The following TRMT11 variants were observed in gnomAD, a reference collection of about 807,000 sequenced individuals.
TRMT11 encodes tRNA methyltransferase 11, also known as tRNA (guanine(10)-N(2))-methyltransferase TRMT11.
TRMT11 carries 53 observed loss-of-function variants against 62.8 expected under a neutral mutation model. That is an observed-to-expected ratio of 0.84 (90% CI 0.68 to 1.06). The LOEUF is 1.06. Among genes scored for constraint, TRMT11 ranks in the 50% least tolerant of loss-of-function variants. The pLI, the probability that TRMT11 is intolerant of heterozygous loss-of-function variation, is 0.00. For missense variants in TRMT11, 556 were observed against 553.4 expected, an observed-to-expected ratio of 1.00 and a Z score of -0.05; for synonymous variants, 188 against 190.3, an observed-to-expected ratio of 0.99 and a Z score of 0.10.
chr6:126,229,143 A>G, the TRMT11 span, among the ~76,000 whole-genome samples: 1 of 152,236 alleles, frequency 6.6e-6, no homozygotes, highest in South Asian at 2.1e-4. Context: ...CTAGAAAACT[A>G]ATAAAAAATG....
At chr6:126,239,324 A>G in the TRMT11 span, among the ~76,000 whole-genome samples, 2 of 152,108 alleles carry the variant, frequency 1.3e-5, no homozygotes, top group Non-Finnish European at 2.9e-5. Context: ...ACAATTTGTC[A>G]TGTTTTTGCA....
At chr6:126,098,544 AC>A (rs1449451850) in intron 17 of TRMT11, among the ~76,000 whole-genome samples, 1 of 152,208 alleles carries the variant, frequency 6.6e-6, no homozygotes, top group Non-Finnish European at 1.5e-5. Context: ...CAGTGACTGT[AC>A]AACCTGTTTG....
the TRMT11 span, among the ~76,000 whole-genome samples, chr6:126,210,129 G>T: frequency 1.3e-5 from 2 of 152,178 alleles, no homozygotes; most frequent in African/African-American, 2.4e-5. Context: ...CTAGTAAGAT[G>T]ATTTTTTGTT....
At chr6:126,160,308 A>T (rs928248805) in intron 21 of TRMT11, among the ~76,000 whole-genome samples, 1 of 152,178 alleles carries the variant, frequency 6.6e-6, no homozygotes, top group East Asian at 1.9e-4. Flanking sequence ...ACCATGCTGT[A>T]CTTCACTGAT....
At chr6:126,237,338 G>A in the TRMT11 span, among the ~76,000 whole-genome samples, 4 of 152,030 alleles carry the variant, frequency 2.6e-5, no homozygotes, top group Non-Finnish European at 4.4e-5. Context: ...CTCCTCTGCT[G>A]GAAAATCTTT....
At chr6:126,096,714 T>C (rs1437031291) in intron 17 of TRMT11, among the ~76,000 whole-genome samples, 2 of 152,202 alleles carry the variant, frequency 1.3e-5, no homozygotes, top group African/African-American at 2.4e-5. Flanking sequence ...CCTGTACCTG[T>C]AGTAGAAACT....
chr6:126,204,786 C>A (rs1311827494), downstream of TRMT11, among the ~76,000 whole-genome samples: 1 of 152,184 alleles, frequency 6.6e-6, no homozygotes, highest in East Asian at 1.9e-4. Context: ...TGCACAAAAT[C>A]ATATATTAGA....
At chr6:126,083,292 G>A (rs141380161) in intron 17 of TRMT11, among the ~76,000 whole-genome samples, 62 of 152,128 alleles carry the variant, frequency 4.1e-4, no homozygotes, top group Middle Eastern at 3.4e-3. Flanking sequence ...CTTTCTGCCT[G>A]GAGTACTGTT....
the TRMT11 span, among the ~76,000 whole-genome samples, chr6:126,245,796 A>G: frequency 2.0e-5 from 3 of 152,102 alleles, no homozygotes; most frequent in Non-Finnish European, 4.4e-5. Flanking sequence ...AATATACTGT[A>G]TTACCAAAAA....
intron 17 of TRMT11, among the ~76,000 whole-genome samples, chr6:126,085,545 T>A (rs1339307616): frequency 2.6e-5 from 4 of 152,200 alleles, no homozygotes; most frequent in African/African-American, 9.6e-5. Context: ...CCTCCGGCCC[T>A]GATCGTGCCT....
chr6:126,110,674 G>A (rs1777521220), intron 17 of TRMT11, among the ~76,000 whole-genome samples: 1 of 152,104 alleles, frequency 6.6e-6, no homozygotes, highest in Non-Finnish European at 1.5e-5. Context: ...AGAAACATGT[G>A]CGTGTGTGTG....
In TRMT11 at chr6:126,011,342, C is replaced by A. The variant is rs758906331; in HGVS notation, c.850C>A (p.Leu284Ile). Residue 284 changes from leucine (L) to isoleucine (I), a missense_variant, in exon 9 of 13, where the codon CTT (leucine) becomes ATT (isoleucine). Coordinates refer to ENST00000334379, the MANE Select transcript of TRMT11 (RefSeq NM_001031712.3). ...LRQYGLEKYY[L>I]DVLVSDASKP... ...TCAATATGGTTTAGAGAAGTATTAC[C>A]TTGATGTCCTGGTTTCAGATGCATC... 6.2e-7 allele frequency: 1 copy of A among 1,613,192 alleles called. No homozygotes were observed. Among genetic ancestry groups the A allele is most frequent in the Non-Finnish European group, 8.5e-7 (1 of 1,179,378 alleles).
the TRMT11 span, among the ~76,000 whole-genome samples, chr6:126,252,606 AT>A: frequency 1.3e-5 from 2 of 152,196 alleles, no homozygotes; most frequent in African/African-American, 4.8e-5. Context: ...AACAATCATG[AT>A]GCTTAATCAG....
chr6:126,235,416 C>A, the TRMT11 span, among the ~76,000 whole-genome samples: 7 of 152,166 alleles, frequency 4.6e-5, no homozygotes, highest in Non-Finnish European at 1.0e-4. Context: ...ATGTTCACTG[C>A]AGCACTATTC....
chr6:126,189,180 C>T (rs1778564741), intron 1 of TRMT11, among the ~76,000 whole-genome samples: 1 of 152,086 alleles, frequency 6.6e-6, no homozygotes, highest in Admixed American at 6.6e-5. Flanking sequence ...CCAAGTACTT[C>T]AATGACTTAA....
chr6:126,243,215 C>T, the TRMT11 span, among the ~76,000 whole-genome samples: 6 of 152,158 alleles, frequency 3.9e-5, no homozygotes, highest in Non-Finnish European at 5.9e-5. Context: ...CAGAGAAATG[C>T]GAATCAAAAC....
chr6:125,993,030 T>C (rs1790880114), intron 1 of TRMT11, among the ~76,000 whole-genome samples: 1 of 152,080 alleles, frequency 6.6e-6, no homozygotes, highest in South Asian at 2.1e-4. Flanking sequence ...TTCCTTCTGG[T>C]TGGGAGGAAA....
chr6:126,228,346 C>T, the TRMT11 span, among the ~76,000 whole-genome samples: 3 of 152,138 alleles, frequency 2.0e-5, no homozygotes, highest in South Asian at 2.1e-4. Flanking sequence ...TCTGCCAGCA[C>T]GAGCATGAAT....
chr6:126,158,050 A>AATTATG (rs1226878915), intron 21 of TRMT11, among the ~76,000 whole-genome samples: 1 of 152,150 alleles, frequency 6.6e-6, no homozygotes, highest in Non-Finnish European at 1.5e-5. Context: ...CATATGTAAT[A>AATTATG]ATTATGCTAT....
Sources: allele counts gnomAD v4.1 joint callset (sites outside exome capture counted in the v4.1 genomes callset), GRCh38; gene constraint gnomAD v4.1.1; transcripts MANE v1.5; gene names NCBI Gene and HGNC (gene_info 2026-07-23, HGNC 2026-07-21).